The following ADGRG1 variants were observed in gnomAD, a reference collection of about 807,000 sequenced individuals.
ADGRG1 encodes 7-transmembrane protein with no EGF-like N-terminal domains-1.
ADGRG1 carries 53 observed loss-of-function variants against 73.5 expected under a neutral mutation model. The observed-to-expected ratio is 0.72, with a 90% CI of 0.58 to 0.91. ADGRG1 has a LOEUF of 0.91. Ranked by LOEUF, ADGRG1 falls within the 40% of genes least tolerant of loss-of-function variation. ADGRG1 has a pLI of 0.00. For missense variants in ADGRG1, 795 were observed against 871.8 expected (o/e 0.91, Z 1.11); for synonymous variants, 394 against 374.4 (o/e 1.05, Z -0.60).
intron 5 of ADGRG1, chr16:57,655,000 G>A (rs1019185538): frequency 3.5e-5 from 33 of 954,058 alleles, no homozygotes; most frequent in African/African-American, 1.6e-4. Flanking sequence ...GATTACAGGC[G>A]TGAGCCACTG....
chr16:57,650,314 G>A lies in ADGRG1; in HGVS notation c.27G>A (p.Thr9=), dbSNP rs142223451. The change falls in exon 2 of 14, where the codon ACG becomes ACA. Residue 9 remains threonine (T), a synonymous_variant. Coordinates refer to ENST00000562631, the MANE Select transcript of ADGRG1 (RefSeq NM_201525.4). MTPQSLLQ[T]TLFLLSLLFL... ...TGACTCCCCAGTCGCTGCTGCAGACGACACTGTTCCTGCTGAGTCTGCTCT... is the reference window on the plus strand; with the variant it reads ...TGACTCCCCAGTCGCTGCTGCAGACAACACTGTTCCTGCTGAGTCTGCTCT... 1.4e-5 allele frequency: 22 copies of A among 1,613,420 alleles called. No individual in the cohort carries two copies. In the African/African-American group the frequency reaches 1.5e-4, roughly 11 times the overall value.
intron 1 of ADGRG1, 101 bp downstream of exon 1, chr16:57,628,903 T>A (rs370242964): frequency 0.029 from 24,230 of 840,026 alleles, 1,293 homozygotes; most frequent in African/African-American, 0.12. Flanking sequence ...AGTGTGTGAG[T>A]GTGAGTGTGT....
chr16:57,651,931 G>A (rs2044202835), intron 3 of ADGRG1: 10 of 1,353,794 alleles, frequency 7.4e-6, no homozygotes, highest in Non-Finnish European at 9.5e-6. Flanking sequence ...GGAGGATGAG[G>A]TCTGAATAGG....
chr16:57,660,297 T>G (rs2046772146), intron 11 of ADGRG1: 19 of 985,064 alleles, frequency 1.9e-5, no homozygotes, highest in Non-Finnish European at 2.3e-5. Context: ...TTCCCCCATT[T>G]GCATGAAATT....
intron 1 of ADGRG1, chr16:57,640,399 C>T (rs1214228698): frequency 3.3e-5 from 5 of 152,200 alleles, no homozygotes; most frequent in Admixed American, 2.0e-4. Context: ...CCCTGGGCCT[C>T]GCTGGCCTTA....
chr16:57,626,734 G>T (rs999289101), upstream of ADGRG1: 10 of 985,352 alleles, frequency 1.0e-5, no homozygotes, highest in Non-Finnish European at 1.2e-5. Flanking sequence ...TGGTGGTGGT[G>T]GGGGGACAGC....
chr16:57,639,713 C>A, intron 1 of ADGRG1: 2 of 946,638 alleles, frequency 2.1e-6, no homozygotes, highest in Non-Finnish European at 2.5e-6. Flanking sequence ...CCGTCCCTTT[C>A]ACTCCTGCTC....
At chr16:57,624,374 G>A (rs1050227658), upstream of ADGRG1, 1 of 153,650 alleles carries the variant, frequency 6.5e-6, no homozygotes, top group East Asian at 1.9e-4. Flanking sequence ...GGTGGGGCAT[G>A]CCTATAGTCC....
intron 1 of ADGRG1, chr16:57,633,258 C>T (rs2038474327): frequency 9.6e-6 from 9 of 939,242 alleles, no homozygotes; most frequent in Non-Finnish European, 1.1e-5. Flanking sequence ...AGAGGTTCTC[C>T]CTAAACCTCA....
At position 57,647,690 on chromosome 16, in the gene ADGRG1, GC is replaced by G. The variant is rs1365641413; in HGVS notation, c.-35-2559del. The G allele has an allele frequency of 8.7e-5, 57 of 654,896 alleles. No homozygotes were observed. In the African/African-American group the frequency reaches 1.1e-3, roughly 12 times the overall value. 40.6% of individuals were successfully genotyped at this position (654,896 alleles called of 1,614,324 possible). A position where few individuals can be genotyped will look rare whatever the true frequency, so the allele number is the denominator to read the frequency against. On this transcript the variant is annotated intron_variant, in intron 1 of 13. Transcript: ENST00000562631. The stretch of plus-strand genomic sequence containing the variant: ...CCCATGGGTTAAAGGAAGCCAGCCA[GC>G]CCCTCCCCTCAAGCCTCAAGCATGT...
At chr16:57,628,582 C>T, upstream of ADGRG1, 1 of 985,504 alleles carries the variant, frequency 1.0e-6, no homozygotes, top group Non-Finnish European at 1.2e-6. Context: ...CCAGCTGGGG[C>T]AGGAGAGGGG....
At chr16:57,628,243 G>T (rs1402417206), upstream of ADGRG1, 2 of 908,612 alleles carry the variant, frequency 2.2e-6, no homozygotes, top group Admixed American at 6.2e-5. Flanking sequence ...GCCCTGACCT[G>T]GGGGGTGGGC....
At chr16:57,627,984 C>T (rs1283612437), upstream of ADGRG1, 3 of 985,142 alleles carry the variant, frequency 3.0e-6, no homozygotes, top group African/African-American at 5.2e-5. Context: ...TCCAGAAGCC[C>T]CTGGGGTCTC....
At position 57,630,428 on chromosome 16, in the gene ADGRG1, C is replaced by T. The variant is rs562600278; in HGVS notation, c.-36+1626C>T. ...ACCTTGGTCACAGCATCACTGTGGC[C>T]CCCTTGCCCTTCCTCTCCTCTCGCC... On this transcript the variant is annotated intron_variant, in intron 1 of 13. Coordinates refer to ENST00000562631, the MANE Select transcript of ADGRG1 (RefSeq NM_201525.4). The T allele has an allele frequency of 4.2e-4, 418 of 985,858 alleles. No individual in the cohort carries two copies. In the African/African-American group the frequency reaches 6.8e-3, roughly 16 times the overall value. The allele number at this position is 985,858 out of a possible 1,614,324, so 61.1% of individuals were successfully genotyped here.
At chr16:57,647,808 C>T (rs2043058556) in intron 1 of ADGRG1, 11 of 978,976 alleles carry the variant, frequency 1.1e-5, no homozygotes, top group African/African-American at 3.5e-5. Context: ...ACAGTTGGTC[C>T]CTTGTGTGTG....
At chr16:57,629,031 T>G in intron 1 of ADGRG1, 1 of 501,608 alleles carries the variant, frequency 2.0e-6, no homozygotes, top group Non-Finnish European at 2.6e-6. Context: ...CGTTTGAGTG[T>G]GAGAGTGTGA....
intron 1 of ADGRG1, chr16:57,632,376 C>T (rs2038198941): frequency 2.2e-5 from 20 of 923,894 alleles, no homozygotes; most frequent in Non-Finnish European, 2.6e-5. Flanking sequence ...TCGGTTTCCT[C>T]ATCTGTAAAC....
Position 57,651,488 on chromosome 16 carries a change from G to A in ADGRG1, c.353G>A (p.Ser118Asn). The change falls in exon 3 of 14, where the codon AGC (serine) becomes AAC (asparagine). Residue 118 changes from serine to asparagine, a missense_variant. By Grantham distance (46) the Ser-to-Asn change is conservative. Coordinates refer to ENST00000562631, the MANE Select transcript of ADGRG1 (RefSeq NM_201525.4). ...RDFLLSDKAS[S>N]LLCFQHQEES... ...TTCTTGCTGAGTGACAAAGCCTCTA[G>A]CCTCCTCTGCTTCCAGCACCAGGAG... 1 of 1,614,214 alleles carries A rather than the reference G, an allele frequency of 6.2e-7. No homozygotes were observed. The highest frequency in any genetic ancestry group is 8.5e-7 in the Non-Finnish European group (1 of 1,180,036).
Position 57,654,028 on chromosome 16 carries a change from C to T in ADGRG1, c.663C>T (p.Phe221=). ...SLESKLTSVR[F]MGDMVSFEED... ...AGTCGAAACTGACCTCTGTGAGATTCATGGGGGACATGGTGTCCTTCGAGG... is the reference window on the plus strand; with the variant it reads ...AGTCGAAACTGACCTCTGTGAGATTTATGGGGGACATGGTGTCCTTCGAGG... Residue 221 remains phenylalanine, a synonymous_variant, in exon 5 of 14, where the codon TTC becomes TTT. Transcript: ENST00000562631. 1 of 1,614,116 alleles carries T rather than the reference C, an allele frequency of 6.2e-7. No individual in the cohort carries two copies. Among genetic ancestry groups the T allele is most frequent in the Non-Finnish European group, 8.5e-7 (1 of 1,180,026 alleles).
Sources: gnomAD v4.1 joint callset for allele counts on GRCh38, gnomAD v4.1.1 for gene constraint, MANE v1.5 for transcripts, NCBI Gene and HGNC (gene_info 2026-07-23, HGNC 2026-07-21) for gene names.